The following AQP7B variants were observed in gnomAD, a reference collection of about 807,000 sequenced individuals.
AQP7B encodes the protein aquaporin 7B, also known as putative aquaporin-7B.
the AQP7B span, chr2:94,603,281 A>G: frequency 1.3e-5 from 18 of 1,414,878 alleles, no homozygotes; most frequent in Middle Eastern, 1.9e-4. Flanking sequence ...TGGGAGAAAA[A>G]AGCCTTGGAG....
chr2:94,600,307 C>G, the AQP7B span, among the ~76,000 whole-genome samples: 1 of 152,172 alleles, frequency 6.6e-6, no homozygotes, highest in South Asian at 2.1e-4. Flanking sequence ...AAATACAATG[C>G]AAACCATCTG....
the AQP7B span, among the ~76,000 whole-genome samples, chr2:94,591,517 A>G: frequency 6.6e-6 from 1 of 151,578 alleles, no homozygotes; most frequent in African/African-American, 2.4e-5. Context: ...CCTCCACTCC[A>G]CTTCCTCCAT....
At chr2:94,598,088 T>A in the AQP7B span, among the ~76,000 whole-genome samples, 2 of 152,198 alleles carry the variant, frequency 1.3e-5, no homozygotes, top group East Asian at 3.8e-4. Flanking sequence ...ATTCTTGCTG[T>A]GCAGATTTGT....
chr2:94,602,636 C>T, the AQP7B span: 1 of 1,572,388 alleles, frequency 6.4e-7, no homozygotes, highest in South Asian at 1.1e-5. Context: ...CCAGGGCCTA[C>T]CAGACTGGGC....
At chr2:94,594,403 C>T in the AQP7B span, among the ~76,000 whole-genome samples, 1 of 152,236 alleles carries the variant, frequency 6.6e-6, no homozygotes, top group Admixed American at 6.5e-5. Context: ...CCAGCCTGCT[C>T]TCTCCCACCC....
chr2:94,598,595 C>A, the AQP7B span, among the ~76,000 whole-genome samples: 2 of 152,208 alleles, frequency 1.3e-5, no homozygotes, highest in African/African-American at 2.4e-5. Context: ...TAGCTGCCGC[C>A]ACTCCAGCTG....
the AQP7B span, chr2:94,604,297 G>T: frequency 3.7e-6 from 6 of 1,604,642 alleles, no homozygotes; most frequent in South Asian, 5.6e-5. Context: ...GCGATGGGGA[G>T]AACTGGTGGT....
the AQP7B span, chr2:94,602,703 A>G: frequency 2.2e-6 from 3 of 1,360,726 alleles, no homozygotes; most frequent in East Asian, 4.7e-5. Context: ...CTCCTTTCCC[A>G]GCACAGCCAG....
At chr2:94,594,157 C>G in the AQP7B span, among the ~76,000 whole-genome samples, 1 of 152,234 alleles carries the variant, frequency 6.6e-6, no homozygotes. Flanking sequence ...TCTGTTTGCA[C>G]TGACCTGGTT....
the AQP7B span, among the ~76,000 whole-genome samples, chr2:94,599,855 G>A: frequency 6.6e-6 from 1 of 151,646 alleles, no homozygotes; most frequent in African/African-American, 2.4e-5. Flanking sequence ...CTACACTGGT[G>A]CCTTTCAACT....
the AQP7B span, chr2:94,604,167 G>T: frequency 3.9e-6 from 4 of 1,036,596 alleles, no homozygotes; most frequent in East Asian, 2.5e-5. Flanking sequence ...CCCTGGGTTG[G>T]GGGTGTTTCC....
At chr2:94,602,757 C>G in the AQP7B span, 1 of 933,638 alleles carries the variant, frequency 1.1e-6, no homozygotes, top group Non-Finnish European at 1.6e-6. Flanking sequence ...TCCTCTGAAC[C>G]CCGTGCCTAT....
the AQP7B span, among the ~76,000 whole-genome samples, chr2:94,596,738 C>T: frequency 6.6e-6 from 1 of 152,192 alleles, no homozygotes; most frequent in South Asian, 2.1e-4. Context: ...CTCACTCTGT[C>T]TCCTAGGATG....
At chr2:94,593,086 T>G in the AQP7B span, among the ~76,000 whole-genome samples, 1 of 151,966 alleles carries the variant, frequency 6.6e-6, no homozygotes, top group East Asian at 1.9e-4. Flanking sequence ...CCTCGGCAAG[T>G]GCTGGGATTA....
chr2:94,604,379 A>G, the AQP7B span: 5 of 1,611,354 alleles, frequency 3.1e-6, no homozygotes, highest in Admixed American at 8.3e-5. Context: ...CATTGGCTCC[A>G]CCATCCCACG....
At chr2:94,587,716 G>A in the AQP7B span, among the ~76,000 whole-genome samples, 1 of 152,140 alleles carries the variant, frequency 6.6e-6, no homozygotes, top group Non-Finnish European at 1.5e-5. Context: ...AGACCATGGG[G>A]GTGGGACGAA....
chr2:94,604,054 GC>G, the AQP7B span: 1 of 702,832 alleles, frequency 1.4e-6, no homozygotes, highest in Non-Finnish European at 2.4e-6. Flanking sequence ...GGCCTGGGGA[GC>G]AGGAGTGAGT....
At chr2:94,591,135 T>A in the AQP7B span, among the ~76,000 whole-genome samples, 1 of 151,980 alleles carries the variant, frequency 6.6e-6, no homozygotes, top group Non-Finnish European at 1.5e-5. Flanking sequence ...CTCTCATCTA[T>A]GCCCATGGCT....
chr2:94,597,404 C>A, the AQP7B span, among the ~76,000 whole-genome samples: 3 of 152,146 alleles, frequency 2.0e-5, no homozygotes, highest in African/African-American at 7.2e-5. Flanking sequence ...TTTCATTGAG[C>A]ACCTAATGCA....
Sources: gnomAD v4.1 joint callset for allele counts (sites outside exome capture counted in the v4.1 genomes callset) on GRCh38, gnomAD v4.1.1 for gene constraint, MANE v1.5 for transcripts, NCBI Gene and HGNC (gene_info 2026-07-23, HGNC 2026-07-21) for gene names.